The following CORO2B variants were observed in gnomAD, a reference collection of about 807,000 sequenced individuals.
CORO2B encodes coronin 2B, also known as coronin-2B.
In CORO2B, 26 loss-of-function variants were observed where a neutral mutation model predicts 58.8. The observed-to-expected ratio is 0.44, with a 90% CI of 0.32 to 0.61. The LOEUF is 0.61. Among genes scored for constraint, CORO2B ranks in the 20% least tolerant of loss-of-function variants. The probability of loss-of-function intolerance (pLI) is 0.04; values close to 1 mark genes in which losing one functional copy is unlikely to be tolerated. For synonymous variants in CORO2B, 242 were observed against 253.8 expected (o/e 0.95, Z 0.44); for missense variants, 460 against 645.1 (o/e 0.71, Z 3.11).
chr15:68,630,551 G>T (rs777588973), intron 1 of CORO2B, among the ~76,000 whole-genome samples: 3 of 151,544 alleles, frequency 2.0e-5, no homozygotes, highest in Non-Finnish European at 4.4e-5. Context: ...CAGGTCACAG[G>T]CAGTGTTCAA....
chr15:68,551,593 T>C, the CORO2B span, among the ~76,000 whole-genome samples: 1 of 152,252 alleles, frequency 6.6e-6, no homozygotes, highest in South Asian at 2.1e-4. Context: ...GAAGGTCTTA[T>C]GTCATTTCCT....
At chr15:68,532,385 C>T in the CORO2B span, among the ~76,000 whole-genome samples, 3 of 152,170 alleles carry the variant, frequency 2.0e-5, no homozygotes, top group East Asian at 1.9e-4. Flanking sequence ...TTTCTGTTGC[C>T]GTGTCTCCAA....
the CORO2B span, among the ~76,000 whole-genome samples, chr15:68,554,527 A>G: frequency 6.6e-6 from 1 of 152,118 alleles, no homozygotes; most frequent in Non-Finnish European, 1.5e-5. Flanking sequence ...TGGGCACCTG[A>G]AACGCACCCA....
chr15:68,686,793 G>A (rs1428120407), intron 2 of CORO2B, among the ~76,000 whole-genome samples: 1 of 151,946 alleles, frequency 6.6e-6, no homozygotes, highest in African/African-American at 2.4e-5. Context: ...CAGCTACTTG[G>A]GAGGCTGAGG....
Position 68,726,171 on chromosome 15 carries a change from T to TG in CORO2B, c.*199dup, listed in dbSNP as rs1893294069. 1.5e-6 allele frequency: 1 copy of TG among 645,340 alleles called. No homozygotes were observed. Among genetic ancestry groups the TG allele is most frequent in the Non-Finnish European group, 2.5e-6 (1 of 394,810 alleles). The allele number at this position is 645,340 out of a possible 1,614,324, so 40.0% of individuals were successfully genotyped here. A position where few individuals can be genotyped will look rare whatever the true frequency, so the allele number is the denominator to read the frequency against. Reference sequence around the variant, plus strand: ...CATGCTAATAAAAGTCCCCAGCTTCTGGAGACCCCCTGCCGGCAGCCCCTT... The same window carrying TG: ...CATGCTAATAAAAGTCCCCAGCTTCTGGGAGACCCCCTGCCGGCAGCCCCTT... On this transcript the variant is annotated 3_prime_UTR_variant, in exon 12 of 12. Coordinates refer to ENST00000261861, the MANE Select transcript of CORO2B (RefSeq NM_006091.5).
chr15:68,720,772 C>T (rs1893141406), intron 11 of CORO2B, among the ~76,000 whole-genome samples: 1 of 152,238 alleles, frequency 6.6e-6, no homozygotes, highest in Admixed American at 6.5e-5. Flanking sequence ...TATCCCACCA[C>T]TTCTGCCCTA....
intron 1 of CORO2B, among the ~76,000 whole-genome samples, chr15:68,605,466 A>AAATT (rs1370945326): frequency 6.6e-6 from 1 of 152,234 alleles, no homozygotes; most frequent in Non-Finnish European, 1.5e-5. Flanking sequence ...CTGGCTGAAT[A>AAATT]AATTAGGAAG....
the CORO2B span, among the ~76,000 whole-genome samples, chr15:68,561,344 C>T: frequency 6.6e-6 from 1 of 152,144 alleles, no homozygotes. Flanking sequence ...GCCTGCAGCT[C>T]ACTCTCCCCG....
intron 3 of CORO2B, among the ~76,000 whole-genome samples, chr15:68,696,858 G>C (rs1383634333): frequency 6.6e-6 from 1 of 152,220 alleles, no homozygotes; most frequent in Admixed American, 6.5e-5. Context: ...GAAAATCCCA[G>C]CCTTTTAGTC....
chr15:68,609,565 C>T (rs1900199524), intron 1 of CORO2B, among the ~76,000 whole-genome samples: 1 of 152,192 alleles, frequency 6.6e-6, no homozygotes, highest in Non-Finnish European at 1.5e-5. Context: ...CCCGAATCCA[C>T]ATCTCTTTTG....
chr15:68,577,449 G>C (rs985804081), upstream of CORO2B, among the ~76,000 whole-genome samples: 3 of 152,092 alleles, frequency 2.0e-5, no homozygotes, highest in African/African-American at 7.2e-5. Context: ...CAGGGCCGGG[G>C]GCGGTTGCTC....
chr15:68,695,597 G>A (rs1191886085), intron 3 of CORO2B, among the ~76,000 whole-genome samples: 1 of 152,182 alleles, frequency 6.6e-6, no homozygotes, highest in African/African-American at 2.4e-5. Flanking sequence ...AAGGAGGGAG[G>A]GAGAAAAGGA....
chr15:68,675,196 T>C (rs1902535520), intron 2 of CORO2B, among the ~76,000 whole-genome samples: 1 of 152,218 alleles, frequency 6.6e-6, no homozygotes, highest in Non-Finnish European at 1.5e-5. Context: ...TAGTCCAGCA[T>C]GAATTGGAAT....
intron 1 of CORO2B, among the ~76,000 whole-genome samples, chr15:68,584,951 A>C (rs1243706221): frequency 1.7e-5 from 2 of 118,498 alleles, no homozygotes; most frequent in Non-Finnish European, 1.7e-5. Context: ...GCTGCTAAGG[A>C]GGCACAAGTG....
chr15:68,551,390 C>T, the CORO2B span, among the ~76,000 whole-genome samples: 1 of 152,176 alleles, frequency 6.6e-6, no homozygotes, highest in Non-Finnish European at 1.5e-5. Context: ...TAGCTCATCT[C>T]ACCTTTGAGA....
intron 1 of CORO2B, among the ~76,000 whole-genome samples, chr15:68,607,878 G>A (rs1014460955): frequency 5.9e-5 from 9 of 151,924 alleles, no homozygotes; most frequent in African/African-American, 1.9e-4. Flanking sequence ...TCTAAGAGAG[G>A]TCAGACCAGG....
intron 2 of CORO2B, among the ~76,000 whole-genome samples, chr15:68,676,794 C>CA (rs1902602095): frequency 6.6e-6 from 1 of 151,688 alleles, no homozygotes; most frequent in African/African-American, 2.4e-5. Context: ...TTTTTTAAGA[C>CA]AGAGTCATGC....
chr15:68,720,150 G>A (rs1893127841), intron 11 of CORO2B, among the ~76,000 whole-genome samples: 1 of 152,168 alleles, frequency 6.6e-6, no homozygotes, highest in African/African-American at 2.4e-5. Flanking sequence ...CCAGACATAA[G>A]GCCTGATACA....
intron 1 of CORO2B, among the ~76,000 whole-genome samples, chr15:68,642,736 C>G (rs536142864): frequency 6.6e-6 from 1 of 152,170 alleles, no homozygotes; most frequent in African/African-American, 2.4e-5. Context: ...ACTAGGAGCC[C>G]AGGGAGAGGC....
Sources: gnomAD v4.1 joint callset for allele counts (sites outside exome capture counted in the v4.1 genomes callset) on GRCh38, gnomAD v4.1.1 for gene constraint, MANE v1.5 for transcripts, NCBI Gene and HGNC (gene_info 2026-07-23, HGNC 2026-07-21) for gene names.